The following ANKS1B variants were observed in gnomAD, a reference collection of about 807,000 sequenced individuals.
ANKS1B encodes the protein ankyrin repeat and sterile alpha motif domain-containing protein 1B.
ANKS1B carries 36 observed loss-of-function variants against 148.3 expected under a neutral mutation model. That is an observed-to-expected ratio of 0.24 (90% CI 0.19 to 0.32). The LOEUF is 0.32. Among genes scored for constraint, ANKS1B ranks in the 10% least tolerant of loss-of-function variants. ANKS1B has a pLI of 1.00. For missense variants in ANKS1B, 1,157 were observed against 1,542.6 expected, an observed-to-expected ratio of 0.75 and a Z score of 4.19; for synonymous variants, 542 against 560.8, an observed-to-expected ratio of 0.97 and a Z score of 0.47.
intron 14 of ANKS1B, among the ~76,000 whole-genome samples, chr12:99,210,662 G>A (rs538075658): frequency 2.4e-4 from 37 of 152,308 alleles, no homozygotes; most frequent in Admixed American, 1.5e-3. Context: ...AATATAGAAA[G>A]TATTGTAGAG....
chr12:99,334,566 C>A (rs1278755204), intron 12 of ANKS1B, among the ~76,000 whole-genome samples: 1 of 151,894 alleles, frequency 6.6e-6, no homozygotes, highest in Non-Finnish European at 1.5e-5. Flanking sequence ...GTTTGCATGC[C>A]CAGTTCCAAA....
At chr12:99,705,694 TATCC>T (rs1300522864) in intron 8 of ANKS1B, among the ~76,000 whole-genome samples, 1 of 152,010 alleles carries the variant, frequency 6.6e-6, no homozygotes, top group Non-Finnish European at 1.5e-5. Context: ...GAAATCAAGA[TATCC>T]AACAAAGGAA....
chr12:99,927,402 T>A (rs1383404082), intron 1 of ANKS1B, among the ~76,000 whole-genome samples: 1 of 152,246 alleles, frequency 6.6e-6, no homozygotes, highest in Non-Finnish European at 1.5e-5. Flanking sequence ...ATTCAAATGT[T>A]TTCTAAAATC....
chr12:99,494,602 G>A (rs868490278), intron 10 of ANKS1B, among the ~76,000 whole-genome samples: 83 of 151,604 alleles, frequency 5.5e-4, no homozygotes, highest in African/African-American at 1.8e-3. Flanking sequence ...GCGTGGTGGC[G>A]GGCGCCTGTA....
At chr12:98,916,666 T>C (rs1247648128) in intron 17 of ANKS1B, among the ~76,000 whole-genome samples, 2 of 152,244 alleles carry the variant, frequency 1.3e-5, no homozygotes, top group Non-Finnish European at 2.9e-5. Flanking sequence ...CAATGGCCAA[T>C]GCAGCCTTAT....
In ANKS1B at chr12:99,427,939, T is replaced by C. The variant is rs990327581; in HGVS notation, c.1575+15734A>G. ...GGAGAGTTGCAGGAATTTGGGATGA[T>C]TGCATGTTGGCATTGCTGGTGATAA... On this transcript the variant is annotated intron_variant, in intron 11 of 26. Coordinates refer to ENST00000683438, the MANE Select transcript of ANKS1B (RefSeq NM_001352186.2). 7.2e-5 allele frequency among the ~76,000 whole-genome samples: 11 copies of C among 152,178 alleles called. No homozygotes were observed. The East Asian group carries it at 7.7e-4, about 11-fold the overall frequency.
intron 8 of ANKS1B, among the ~76,000 whole-genome samples, chr12:99,671,960 G>A (rs1388920847): frequency 6.6e-6 from 1 of 152,024 alleles, no homozygotes; most frequent in Non-Finnish European, 1.5e-5. Context: ...TATTAACAAT[G>A]CTGAGTGATT....
rs764188217 is a variant in ANKS1B, at chr12:99,779,908, T to C, written c.810A>G (p.Pro270=). Residue 270 remains proline (P), a synonymous_variant, in exon 6 of 27, where the codon CCA becomes CCG. Transcript: ENST00000683438. ...RTVLDILKEH[P]SQKSLQIATL... ...TTGCAATCTGGAGAGATTTCTGAGA[T>C]GGATGTTCTTTCAGAATGTCCAAGA... 1.2e-6 allele frequency: 2 copies of C among 1,612,800 alleles called. No homozygotes were observed. Among genetic ancestry groups the C allele is most frequent in the African/African-American group, 1.3e-5 (1 of 74,986 alleles).
Position 98,901,105 on chromosome 12 carries a change from CCTCTATTTTTG to C in ANKS1B, c.2779-68980_2779-68970del, listed in dbSNP as rs543282734. Among the ~76,000 whole-genome samples the C allele has an allele frequency of 5.3e-5, 8 of 152,206 alleles. No homozygotes were observed. In the South Asian group the frequency reaches 1.7e-3, roughly 32 times the overall value. ...AGGTCAAGGACCTTGTTTATGTGAA[CCTCTATTTTTG>C]CTCGGCTCTTGTCCTCAAATAGGCA... On this transcript the variant is annotated intron_variant, in intron 17 of 26. Transcript: ENST00000683438.
intron 4 of ANKS1B, among the ~76,000 whole-genome samples, chr12:99,788,039 G>A (rs866521876): frequency 4.6e-5 from 7 of 152,280 alleles, no homozygotes; most frequent in South Asian, 2.1e-4. Context: ...AACTTGAAAG[G>A]CAGTCTAGGA....
chr12:99,281,048 C>G (rs1303850295), intron 12 of ANKS1B, among the ~76,000 whole-genome samples: 2 of 152,084 alleles, frequency 1.3e-5, no homozygotes, highest in African/African-American at 4.8e-5. Flanking sequence ...GCTCTCTTCT[C>G]TCATCTACTT....
intron 9 of ANKS1B, among the ~76,000 whole-genome samples, chr12:99,595,269 C>T (rs1300408720): frequency 6.6e-6 from 1 of 151,768 alleles, no homozygotes; most frequent in Non-Finnish European, 1.5e-5. Context: ...TTATGGTTAC[C>T]AGCCACAAAA....
intron 17 of ANKS1B, among the ~76,000 whole-genome samples, chr12:98,907,045 G>A (rs899351611): frequency 1.6e-5 from 2 of 125,950 alleles, no homozygotes; most frequent in African/African-American, 5.4e-5. Context: ...GTGTGTGTGT[G>A]TGTATGTATG....
chr12:99,921,249 G>C (rs983770025), intron 1 of ANKS1B, among the ~76,000 whole-genome samples: 3 of 152,068 alleles, frequency 2.0e-5, no homozygotes, highest in Non-Finnish European at 4.4e-5. Context: ...GATAGTGAGT[G>C]AGTTCTCATG....
At chr12:99,228,176 TG>T (rs2086244684) in intron 14 of ANKS1B, among the ~76,000 whole-genome samples, 1 of 152,184 alleles carries the variant, frequency 6.6e-6, no homozygotes, top group Non-Finnish European at 1.5e-5. Flanking sequence ...TCTAAGGGGT[TG>T]TTTTTTTAAG....
chr12:99,198,122 T>C (rs186975786), intron 14 of ANKS1B, among the ~76,000 whole-genome samples: 35 of 152,186 alleles, frequency 2.3e-4, no homozygotes, highest in African/African-American at 7.5e-4. Context: ...CCTAGGAATA[T>C]GTGACTCCTA....
chr12:98,954,913 T>G (rs2099859838), intron 17 of ANKS1B, among the ~76,000 whole-genome samples: 1 of 151,474 alleles, frequency 6.6e-6, no homozygotes, highest in African/African-American at 2.4e-5. Flanking sequence ...TTCAGTTCCT[T>G]CCCTCCCTCC....
At chr12:99,984,061 C>T (rs372918298) in intron 1 of ANKS1B, 43 bp downstream of exon 1, 2 of 1,531,236 alleles carry the variant, frequency 1.3e-6, no homozygotes, top group Non-Finnish European at 1.8e-6. Context: ...CATCACAATG[C>T]ATAATGAGGT....
intron 9 of ANKS1B, among the ~76,000 whole-genome samples, chr12:99,587,507 G>C (rs1212423055): frequency 6.6e-6 from 1 of 152,174 alleles, no homozygotes; most frequent in Non-Finnish European, 1.5e-5. Context: ...AGAATGTTCA[G>C]TTTTAATTGC....
Sources: allele counts gnomAD v4.1 joint callset (sites outside exome capture counted in the v4.1 genomes callset), GRCh38; gene constraint gnomAD v4.1.1; transcripts MANE v1.5; gene names NCBI Gene and HGNC (gene_info 2026-07-23, HGNC 2026-07-21).